CRADD: variants seen among roughly 807,000 people sequenced by gnomAD.
CRADD encodes the protein death domain-containing protein CRADD.
Under a neutral mutation model 15.5 loss-of-function variants are expected in CRADD, and 9 were observed. The ratio of observed to expected loss-of-function variants is 0.58; its 90% CI spans 0.35 to 1.01. CRADD has a LOEUF of 1.01. Among genes scored for constraint, CRADD ranks in the 50% least tolerant of loss-of-function variants. The pLI is 0.02. For missense variants in CRADD, 227 were observed against 250.3 expected (o/e 0.91, Z 0.63); for synonymous variants, 118 against 107.6 (o/e 1.10, Z -0.60).
intron 2 of CRADD, among the ~76,000 whole-genome samples, chr12:93,687,067 A>AT (rs1371589077): frequency 6.6e-6 from 1 of 152,136 alleles, no homozygotes; most frequent in Non-Finnish European, 1.5e-5. Flanking sequence ...TTGTCACAAG[A>AT]TTTTTTTCTT....
At chr12:93,720,488 A>G (rs546095042) in intron 2 of CRADD, among the ~76,000 whole-genome samples, 1 of 152,292 alleles carries the variant, frequency 6.6e-6, no homozygotes, top group South Asian at 2.1e-4. Context: ...TTTGCCTGCT[A>G]GATATGCCTA....
chr12:93,746,796 T>A (rs1337189008), intron 2 of CRADD, among the ~76,000 whole-genome samples: 3 of 152,102 alleles, frequency 2.0e-5, no homozygotes, highest in South Asian at 2.1e-4. Context: ...TTTTTTTTTT[T>A]TGAAGAAGGA....
At chr12:93,721,122 TC>T (rs1290559679) in intron 2 of CRADD, among the ~76,000 whole-genome samples, 1 of 152,196 alleles carries the variant, frequency 6.6e-6, no homozygotes, top group Non-Finnish European at 1.5e-5. Flanking sequence ...AGAAATGAAG[TC>T]TCAACTGTGT....
chr12:93,743,149 T>A (rs753097485), intron 2 of CRADD, among the ~76,000 whole-genome samples: 1 of 152,222 alleles, frequency 6.6e-6, no homozygotes, highest in Non-Finnish European at 1.5e-5. Flanking sequence ...ACTTAACTAG[T>A]ACTCCGATAA....
chr12:93,759,738 C>T (rs547174663), intron 2 of CRADD, among the ~76,000 whole-genome samples: 1 of 152,218 alleles, frequency 6.6e-6, no homozygotes, highest in African/African-American at 2.4e-5. Flanking sequence ...GGCACCCTAT[C>T]TCAGTCTGAT....
chr12:93,773,383 T>G (rs1957105499), intron 2 of CRADD, among the ~76,000 whole-genome samples: 2 of 152,114 alleles, frequency 1.3e-5, no homozygotes, highest in Admixed American at 1.3e-4. Context: ...GATGATTATA[T>G]AAGGGGGAGT....
At chr12:93,865,984 C>T (rs1342072831) in intron 2 of CRADD, among the ~76,000 whole-genome samples, 1 of 152,058 alleles carries the variant, frequency 6.6e-6, no homozygotes, top group African/African-American at 2.4e-5. Flanking sequence ...AATTACTTCT[C>T]GTTTCTAGCA....
chr12:93,725,102 C>T (rs1024455546), intron 2 of CRADD, among the ~76,000 whole-genome samples: 3 of 152,120 alleles, frequency 2.0e-5, no homozygotes, highest in Non-Finnish European at 2.9e-5. Flanking sequence ...CCTCGTGATT[C>T]GCCTGCCTTG....
chr12:93,882,520 C>T (rs894701707), intron 2 of CRADD, among the ~76,000 whole-genome samples: 1 of 151,460 alleles, frequency 6.6e-6, no homozygotes, highest in African/African-American at 2.4e-5. Flanking sequence ...CTTAAACACT[C>T]ATACATAGCT....
chr12:93,826,191 C>G (rs1230032336), intron 2 of CRADD, among the ~76,000 whole-genome samples: 1 of 152,228 alleles, frequency 6.6e-6, no homozygotes, highest in African/African-American at 2.4e-5. Flanking sequence ...GCTGAGAGAG[C>G]AGCCAATTTT....
chr12:93,811,587 G>A (rs948974598), intron 2 of CRADD, among the ~76,000 whole-genome samples: 5 of 152,196 alleles, frequency 3.3e-5, no homozygotes, highest in African/African-American at 7.2e-5. Flanking sequence ...GCTTTGAGAC[G>A]TCGGGCAAGT....
At chr12:93,725,112 G>A (rs1956333615) in intron 2 of CRADD, among the ~76,000 whole-genome samples, 1 of 152,106 alleles carries the variant, frequency 6.6e-6, no homozygotes, top group East Asian at 1.9e-4. Context: ...CGCCTGCCTT[G>A]GCCTCCCAAA....
intron 2 of CRADD, among the ~76,000 whole-genome samples, chr12:93,806,347 G>C (rs1957537275): frequency 6.6e-6 from 1 of 150,468 alleles, no homozygotes; most frequent in South Asian, 2.1e-4. Flanking sequence ...AGCTACTCAG[G>C]AGGCTGAGGC....
At chr12:93,790,352 C>G (rs1957334309) in intron 2 of CRADD, among the ~76,000 whole-genome samples, 1 of 151,786 alleles carries the variant, frequency 6.6e-6, no homozygotes, top group South Asian at 2.1e-4. Context: ...AGGAAATATA[C>G]CTAATGCTAA....
intron 2 of CRADD, among the ~76,000 whole-genome samples, chr12:93,877,866 A>T (rs1475368112): frequency 6.6e-6 from 1 of 152,100 alleles, no homozygotes; most frequent in Non-Finnish European, 1.5e-5. Context: ...CTAGTACCTA[A>T]GTTGCAAGAC....
At chr12:93,837,247 TTTTG>T (rs528088787) in intron 2 of CRADD, 18,125 of 121,588 alleles carry the variant, frequency 0.15, 1,149 homozygotes, top group Middle Eastern at 0.32. Flanking sequence ...CATTTCACGT[TTTTG>T]TTTGTTTGTT....
intron 2 of CRADD, among the ~76,000 whole-genome samples, chr12:93,748,412 T>TTC (rs397830933): frequency 1.3e-5 from 2 of 151,328 alleles, no homozygotes; most frequent in South Asian, 2.1e-4. Context: ...TTCAGGCGAT[T>TTC]CCCCCCTGCT....
chr12:93,893,038 G>A (rs1198977420), intron 2 of CRADD, among the ~76,000 whole-genome samples: 1 of 152,206 alleles, frequency 6.6e-6, no homozygotes, highest in African/African-American at 2.4e-5. Flanking sequence ...GACGGGAAGG[G>A]ACACATGTAG....
chr12:93,876,667 C>T (rs1958459704), intron 2 of CRADD, among the ~76,000 whole-genome samples: 1 of 151,944 alleles, frequency 6.6e-6, no homozygotes, highest in Non-Finnish European at 1.5e-5. Flanking sequence ...TTGCTTGATT[C>T]TTCTTAATTA....
Sources: gnomAD v4.1 joint callset for allele counts (sites outside exome capture counted in the v4.1 genomes callset) on GRCh38, gnomAD v4.1.1 for gene constraint, MANE v1.5 for transcripts, NCBI Gene and HGNC (gene_info 2026-07-23, HGNC 2026-07-21) for gene names.